TRIM24: variants seen among roughly 807,000 people sequenced by gnomAD.
TRIM24 encodes the protein tripartite motif containing 24, also known as transcription intermediary factor 1-alpha.
In TRIM24, 29 loss-of-function variants were observed where a neutral mutation model predicts 123.9. That is an observed-to-expected ratio of 0.23 (90% CI 0.17 to 0.32). The LOEUF is 0.32. Among genes scored for constraint, TRIM24 ranks in the 10% least tolerant of loss-of-function variants. TRIM24 has a pLI of 1.00. For missense variants in TRIM24, 932 were observed against 1,295.3 expected (o/e 0.72, Z 4.31); for synonymous variants, 456 against 461.1 (o/e 0.99, Z 0.14).
intron 1 of TRIM24, among the ~76,000 whole-genome samples, chr7:138,482,050 G>C (rs763226201): frequency 2.6e-5 from 4 of 152,102 alleles, no homozygotes; most frequent in Non-Finnish European, 2.9e-5. Context: ...CTTAGCGTCT[G>C]ATTTCTCTTT....
At chr7:138,465,592 T>C (rs1463715758) in intron 1 of TRIM24, among the ~76,000 whole-genome samples, 2 of 152,220 alleles carry the variant, frequency 1.3e-5, no homozygotes, top group Non-Finnish European at 2.9e-5. Context: ...AAGATTTCTT[T>C]ACTAACTGGC....
chr7:138,535,846 G>C (rs1271306388), intron 6 of TRIM24, among the ~76,000 whole-genome samples: 2 of 152,004 alleles, frequency 1.3e-5, no homozygotes, highest in Middle Eastern at 3.4e-3. Flanking sequence ...GTCACTTTCA[G>C]GTACACCAAT....
At chr7:138,541,423 A>T (rs1797001376) in intron 7 of TRIM24, among the ~76,000 whole-genome samples, 1 of 152,182 alleles carries the variant, frequency 6.6e-6, no homozygotes, top group Non-Finnish European at 1.5e-5. Context: ...GACCAGTTGT[A>T]TTTGTCAATG....
chr7:138,461,020 G>T, intron 1 of TRIM24, 108 bp downstream of exon 1: 2 of 1,054,142 alleles, frequency 1.9e-6, no homozygotes. Context: ...CGGGGTGCGC[G>T]GCGGGGGAGG....
At chr7:138,512,443 A>T (rs992213757) in intron 2 of TRIM24, among the ~76,000 whole-genome samples, 3 of 152,156 alleles carry the variant, frequency 2.0e-5, no homozygotes, top group African/African-American at 7.2e-5. Flanking sequence ...CCCCTGCAGC[A>T]GGCTTCTGCT....
At chr7:138,535,131 C>T (rs1234851603) in intron 6 of TRIM24, among the ~76,000 whole-genome samples, 1 of 152,130 alleles carries the variant, frequency 6.6e-6, no homozygotes, top group Non-Finnish European at 1.5e-5. Context: ...GATGGGTCTC[C>T]TGAATACAGG....
chr7:138,534,954 C>T (rs1368225722), intron 6 of TRIM24, among the ~76,000 whole-genome samples: 2 of 152,168 alleles, frequency 1.3e-5, no homozygotes, highest in Admixed American at 6.5e-5. Flanking sequence ...GAATTGATCC[C>T]TTTACCATTA....
intron 5 of TRIM24, among the ~76,000 whole-genome samples, chr7:138,528,372 C>T (rs914215207): frequency 6.6e-6 from 1 of 152,140 alleles, no homozygotes; most frequent in Non-Finnish European, 1.5e-5. Flanking sequence ...GTCTTCAGAG[C>T]ACATTCCTTT....
intron 8 of TRIM24, among the ~76,000 whole-genome samples, chr7:138,551,834 C>G (rs947368996): frequency 1.3e-5 from 2 of 152,144 alleles, no homozygotes; most frequent in Non-Finnish European, 2.9e-5. Context: ...TCAATAGGAA[C>G]TTAATGGTTC....
intron 1 of TRIM24, among the ~76,000 whole-genome samples, chr7:138,463,058 T>TG (rs1795047157): frequency 1.4e-5 from 2 of 143,922 alleles, no homozygotes; most frequent in South Asian, 2.2e-4. Context: ...TTTTTTTTTT[T>TG]TTTTTTTTTT....
At chr7:138,482,386 A>C (rs1365012502) in intron 1 of TRIM24, among the ~76,000 whole-genome samples, 1 of 152,186 alleles carries the variant, frequency 6.6e-6, no homozygotes, top group Non-Finnish European at 1.5e-5. Context: ...CAGGTTTCAC[A>C]AAAAAACATG....
chr7:138,460,495 G>A lies in TRIM24; in HGVS notation c.-54G>A, dbSNP rs1008956675. On this transcript the variant is annotated 5_prime_UTR_variant, in exon 1 of 19. Transcript: ENST00000343526. ...GCAGGAGGAGGAGGAGGTCGTCGGG[G>A]GCGGCGGGCGGAGACCGCGCTCTCG... 8.8e-6 allele frequency: 11 copies of A among 1,256,736 alleles called. No individual in the cohort carries two copies. The highest frequency in any genetic ancestry group is 1.1e-5 in the Non-Finnish European group (11 of 1,004,902). 77.8% of individuals were successfully genotyped at this position (1,256,736 alleles called of 1,614,324 possible).
At chr7:138,553,600 T>C (rs1797256950) in intron 8 of TRIM24, among the ~76,000 whole-genome samples, 1 of 152,226 alleles carries the variant, frequency 6.6e-6, no homozygotes, top group South Asian at 2.1e-4. Context: ...CAATGTATTC[T>C]GTATCAAAAA....
intron 9 of TRIM24, among the ~76,000 whole-genome samples, chr7:138,565,418 C>G (rs968600434): frequency 4.9e-5 from 7 of 142,122 alleles, no homozygotes. Context: ...TTCCTGGAAT[C>G]ATCCTGTTCC....
chr7:138,529,349 T>C lies in TRIM24; in HGVS notation c.996+119T>C, dbSNP rs145885181. On this transcript the variant is annotated intron_variant, in intron 6 of 18. Coordinates refer to ENST00000343526, the MANE Select transcript of TRIM24 (RefSeq NM_015905.3). Reference sequence around the variant, plus strand: ...TTCATTGTGATTTAATATTTTTTTTTCCCACTCCCAAGTTTTCCTTTGCTG... The same window carrying C: ...TTCATTGTGATTTAATATTTTTTTTCCCCACTCCCAAGTTTTCCTTTGCTG... 2.1e-3 allele frequency: 1,083 copies of C among 508,556 alleles called. 13 individuals are homozygous for C. The highest frequency in any genetic ancestry group is 0.019 in the African/African-American group (968 of 50,380). The allele number at this position is 508,556 out of a possible 1,614,324, so 31.5% of individuals were successfully genotyped here.
In TRIM24 at chr7:138,579,271, A is replaced by G. The variant is rs1797842785; in HGVS notation, c.2324A>G (p.Glu775Gly). The change falls in exon 15 of 19, where the codon GAG becomes GGG. Residue 775 changes from glutamate to glycine, a missense_variant. Around this residue, in one of 7 missense-constraint regions of TRIM24, gnomAD observed 527 missense variants for 691.3 expected, o/e 0.76. Transcript: ENST00000343526. ...AGCAGTCAGAGCTCTACTTCTGAGG[A>G]GACTGTGCTAAGATCAGATGCCCCT... is the stretch of plus-strand genomic sequence containing the variant. ...LNSSQSSTSE[E>G]TVLRSDAPDS... 6.2e-7 allele frequency: 1 copy of G among 1,614,080 alleles called. No homozygotes were observed. The highest frequency in any genetic ancestry group is 1.3e-5 in the African/African-American group (1 of 75,042).
intron 1 of TRIM24, among the ~76,000 whole-genome samples, chr7:138,500,559 G>A (rs914985546): frequency 1.1e-5 from 1 of 93,814 alleles, no homozygotes; most frequent in Admixed American, 1.3e-4. Flanking sequence ...GTGAGACCTT[G>A]TTTCAAAAAA....
intron 7 of TRIM24, among the ~76,000 whole-genome samples, chr7:138,548,087 A>C (rs1797136707): frequency 6.6e-6 from 1 of 152,174 alleles, no homozygotes; most frequent in African/African-American, 2.4e-5. Context: ...TTATAGGAAG[A>C]GTACACCTGA....
chr7:138,462,635 C>G (rs112877067), intron 1 of TRIM24, among the ~76,000 whole-genome samples: 2 of 152,032 alleles, frequency 1.3e-5, no homozygotes, highest in Admixed American at 1.3e-4. Context: ...CCACCGCGCC[C>G]GGCCAAAAAT....
Sources: gnomAD v4.1 joint callset for allele counts (sites outside exome capture counted in the v4.1 genomes callset) on GRCh38, gnomAD v4.1.1 for gene constraint, gnomAD v4.1.1 regional missense constraint, MANE v1.5 for transcripts, NCBI Gene and HGNC (gene_info 2026-07-23, HGNC 2026-07-21) for gene names.